Variants in FAM229B observed in about 807,000 individuals in gnomAD.
FAM229B encodes protein FAM229B.
A neutral mutation model predicts 6.7 loss-of-function variants in FAM229B; 2 were observed. That is an observed-to-expected ratio of 0.30 (90% CI 0.12 to 0.94). The LOEUF is 0.94. Ranked by LOEUF, FAM229B falls within the 40% of genes least tolerant of loss-of-function variation. The pLI, the probability that FAM229B is intolerant of heterozygous loss-of-function variation, is 0.54. For missense variants in FAM229B, 93 were observed against 96.2 expected (o/e 0.97, Z 0.14); for synonymous variants, 29 against 34.0 (o/e 0.85, Z 0.51).
At chr6:112,099,074 A>C (rs1418077026) in intron 2 of FAM229B, among the ~76,000 whole-genome samples, 196 bp from the exon 3 acceptor site, 1 of 152,186 alleles carries the variant, frequency 6.6e-6, no homozygotes, top group Non-Finnish European at 1.5e-5. Context: ...CAGGAGGATC[A>C]CTTAAGCCCA....
At chr6:112,089,938 A>T (rs1777235621) in intron 1 of FAM229B, among the ~76,000 whole-genome samples, 1 of 152,226 alleles carries the variant, frequency 6.6e-6, no homozygotes, top group Non-Finnish European at 1.5e-5. Flanking sequence ...AGAAAAATCA[A>T]CACCAAGACA....
intron 1 of FAM229B, among the ~76,000 whole-genome samples, chr6:112,088,092 G>T (rs1777202439): frequency 6.6e-6 from 1 of 152,164 alleles, no homozygotes; most frequent in Non-Finnish European, 1.5e-5. Flanking sequence ...AGAAATTAAG[G>T]CATAGATCCA....
intron 1 of FAM229B, among the ~76,000 whole-genome samples, chr6:112,092,713 A>G (rs1472202317): frequency 6.6e-6 from 1 of 152,064 alleles, no homozygotes; most frequent in East Asian, 1.9e-4. Context: ...GGTTTGTACT[A>G]TAGATAGAAT....
At chr6:112,094,262 A>G (rs1554318448) in intron 1 of FAM229B, among the ~76,000 whole-genome samples, 1 of 152,202 alleles carries the variant, frequency 6.6e-6, no homozygotes, top group African/African-American at 2.4e-5. Context: ...AATGAAACCT[A>G]AATATGTGTC....
intron 1 of FAM229B, among the ~76,000 whole-genome samples, chr6:112,092,550 A>G (rs1467032491): frequency 6.6e-6 from 1 of 152,120 alleles, no homozygotes; most frequent in African/African-American, 2.4e-5. Context: ...TAAATGAAAC[A>G]TTCAGGCAAA....
intron 1 of FAM229B, among the ~76,000 whole-genome samples, chr6:112,089,335 T>G (rs1333120207): frequency 6.6e-6 from 1 of 151,946 alleles, no homozygotes; most frequent in African/African-American, 2.4e-5. Flanking sequence ...AGGAACGATG[T>G]AAAAGATGGA....
rs587722442 is a variant in FAM229B, at chr6:112,101,595, T to C, written c.*808T>C. 22 of 152,270 alleles carry C rather than the reference T, an allele frequency of 1.4e-4. No individual in the cohort carries two copies. The highest frequency in any genetic ancestry group is 3.6e-4 in the African/African-American group (15 of 41,558). The allele number at this position is 152,270 out of a possible 1,614,324, so 9.4% of individuals were successfully genotyped here. ...AGCTCTCTATGTTCTCTTTTTCTTC[T>C]TGCAGTAGTCCCCAGAAACTCAGTC... On this transcript the variant is annotated 3_prime_UTR_variant, in exon 4 of 4. Transcript: ENST00000368656.
Position 112,099,335 on chromosome 6 carries a change from G to C in FAM229B, c.52G>C (p.Asp18His). 3 of 1,614,006 alleles carry C rather than the reference G, an allele frequency of 1.9e-6. No individual in the cohort carries two copies. Among genetic ancestry groups the C allele is most frequent in the Non-Finnish European group, 2.5e-6 (3 of 1,179,902 alleles). Residue 18 changes from aspartate (D) to histidine (H), a missense_variant, in exon 3 of 4, where the codon GAT becomes CAT. Asp to His is a moderately conservative substitution (Grantham distance 81). Transcript: ENST00000368656. The part of the protein sequence containing the change: ...QPRRFPVEGG[D>H]SSIELEPGLS... Reference sequence around the variant, plus strand: ...AAGGAGGTTTCCAGTGGAAGGAGGAGATTCTTCAATTGAGCTGGAACCTGG... The same window carrying C: ...AAGGAGGTTTCCAGTGGAAGGAGGACATTCTTCAATTGAGCTGGAACCTGG...
intron 1 of FAM229B, among the ~76,000 whole-genome samples, chr6:112,093,209 G>A (rs1171927220): frequency 6.6e-6 from 1 of 151,828 alleles, no homozygotes; most frequent in East Asian, 1.9e-4. Flanking sequence ...GAAAAGATAT[G>A]TCATACTAAA....
rs61744746 is a variant in FAM229B at position 112,099,297 on chromosome 6, T to A, written c.14T>A (p.Phe5Tyr). ...TTTCAGTGAAGTATGCCTTTTCAATTTGGAACCCAGCCAAGGAGGTTTCCA... is the reference window on the plus strand; with the variant it reads ...TTTCAGTGAAGTATGCCTTTTCAATATGGAACCCAGCCAAGGAGGTTTCCA... MPFQFGTQPRRFPVE... is the reference protein window; with the variant it reads MPFQYGTQPRRFPVE... Residue 5 changes from phenylalanine to tyrosine, a missense_variant, in exon 3 of 4, where the codon TTT becomes TAT. Physicochemically the swap from Phe to Tyr is conservative, Grantham distance 22. Coordinates refer to ENST00000368656, the MANE Select transcript of FAM229B (RefSeq NM_001033564.3). 2.5e-6 allele frequency: 4 copies of A among 1,613,408 alleles called. No homozygotes were observed. The highest frequency in any genetic ancestry group is 3.4e-6 in the Non-Finnish European group (4 of 1,179,680).
At chr6:112,099,696 G>A (rs1554319042) in intron 3 of FAM229B, among the ~76,000 whole-genome samples, 1 of 152,146 alleles carries the variant, frequency 6.6e-6, no homozygotes, top group Non-Finnish European at 1.5e-5. Context: ...CTAATAGATT[G>A]TTTTGTTGAT....
chr6:112,097,929 G>A (rs1777348197), intron 2 of FAM229B, among the ~76,000 whole-genome samples: 1 of 152,166 alleles, frequency 6.6e-6, no homozygotes, highest in South Asian at 2.1e-4. Flanking sequence ...TCAACAGTGG[G>A]CAGTTTTGCC....
Position 112,087,644 on chromosome 6 carries a change from C to T in FAM229B, c.-252C>T, listed in dbSNP as rs1160975000. ...TGTCACCGTTACCGTAGCGACTGGG[C>T]TTCTGGACTGTATATCCTAGCTGCC... On this transcript the variant is annotated 5_prime_UTR_variant, in exon 1 of 4. Coordinates refer to ENST00000368656, the MANE Select transcript of FAM229B (RefSeq NM_001033564.3). 3 of 596,328 alleles carry T rather than the reference C, an allele frequency of 5.0e-6. No homozygotes were observed. The highest frequency in any genetic ancestry group is 1.9e-5 in the African/African-American group (1 of 53,618). 36.9% of individuals were successfully genotyped at this position (596,328 alleles called of 1,614,324 possible).
chr6:112,098,940 C>G (rs1583607720), intron 2 of FAM229B, among the ~76,000 whole-genome samples: 1 of 152,148 alleles, frequency 6.6e-6, no homozygotes, highest in Admixed American at 6.5e-5. Context: ...CTATTTTTAG[C>G]TATTTAAAAA....
chr6:112,091,442 A>G (rs1054041157), intron 1 of FAM229B, among the ~76,000 whole-genome samples: 32 of 152,150 alleles, frequency 2.1e-4, no homozygotes, highest in African/African-American at 7.5e-4. Flanking sequence ...CATTCCCCGT[A>G]TCTTGAGTGG....
chr6:112,093,559 A>G (rs1361411533), intron 1 of FAM229B, among the ~76,000 whole-genome samples: 2 of 152,112 alleles, frequency 1.3e-5, no homozygotes, highest in African/African-American at 2.4e-5. Context: ...CTATAGCAGC[A>G]TGTACATTCA....
At chr6:112,087,962 A>T (rs1777200147) in intron 1 of FAM229B, among the ~76,000 whole-genome samples, 1 of 152,212 alleles carries the variant, frequency 6.6e-6, no homozygotes, top group South Asian at 2.1e-4. Context: ...GGCACAATTG[A>T]AACTAGATGG....
rs587711438 is a variant in FAM229B at position 112,089,408 on chromosome 6, C to T, written c.-176+1688C>T. On this transcript the variant is annotated intron_variant, in intron 1 of 3. Coordinates refer to ENST00000368656, the MANE Select transcript of FAM229B (RefSeq NM_001033564.3). ...GGGGAGAAAAGAAAATTCATCATAT[C>T]TACTTTGTGCTGAAGAAGAACTTAA... Among the ~76,000 whole-genome samples, 7 of 152,174 alleles carry T rather than the reference C, an allele frequency of 4.6e-5. No homozygotes were observed. In the South Asian group the frequency reaches 1.2e-3, roughly 27 times the overall value.
intron 1 of FAM229B, among the ~76,000 whole-genome samples, chr6:112,095,660 ACC>A (rs369315645): frequency 2.6e-4 from 32 of 122,896 alleles, no homozygotes; most frequent in Middle Eastern, 4.1e-3. Context: ...AAAAAAAAAA[ACC>A]AAAAAAAAAA....
Sources: gnomAD v4.1 joint callset for allele counts (sites outside exome capture counted in the v4.1 genomes callset) on GRCh38, gnomAD v4.1.1 for gene constraint, MANE v1.5 for transcripts, NCBI Gene and HGNC (gene_info 2026-07-23, HGNC 2026-07-21) for gene names.